The following ZNF644 variants were observed in gnomAD, a reference collection of about 807,000 sequenced individuals.
ZNF644 encodes zinc finger protein 644, also known as zinc finger motif enhancer binding protein 2.
In ZNF644, 20 loss-of-function variants were observed where a neutral mutation model predicts 108.0. That is an observed-to-expected ratio of 0.19 (90% CI 0.13 to 0.27). The LOEUF is 0.27. ZNF644 is among the 10% of genes least tolerant of loss of function. ZNF644 has a pLI of 1.00. For missense variants in ZNF644, 1,338 were observed against 1,548.9 expected, an observed-to-expected ratio of 0.86 and a Z score of 2.29; for synonymous variants, 542 against 539.1, an observed-to-expected ratio of 1.01 and a Z score of -0.08.
At chr1:91,005,387 C>T (rs1659317865) in intron 1 of ZNF644, among the ~76,000 whole-genome samples, 1 of 152,000 alleles carries the variant, frequency 6.6e-6, no homozygotes, top group African/African-American at 2.4e-5. Context: ...TAGTTAGAAA[C>T]CTTAATACTT....
rs1296802249 is a variant in ZNF644 at position 90,937,819 on chromosome 1, T to C, written c.3354A>G (p.Ile1118Met). The C allele has an allele frequency of 1.2e-6, 2 of 1,613,934 alleles. No homozygotes were observed. The highest frequency in any genetic ancestry group is 2.2e-5 in the East Asian group (1 of 44,864). ...CTTCAAGAGGTATAACATTTTGAGA[T>C]ATAAAGTCATCACTTGATGCAAGTT... is the stretch of plus-strand genomic sequence containing the variant. ...AQKLASSDDF[I>M]SQNVIPLEAY... The change falls in exon 4 of 6, where the codon ATA (isoleucine) becomes ATG (methionine). Residue 1118 changes from isoleucine (I) to methionine (M), a missense_variant. Ile to Met is a conservative substitution (Grantham distance 10). Transcript: ENST00000337393.
rs1648671660 is a variant in ZNF644 at position 90,915,480 on chromosome 1, A to G, written c.*1318T>C. On this transcript the variant is annotated 3_prime_UTR_variant, in exon 6 of 6. Transcript: ENST00000337393. ...ATCAATGCATATCCTTGGTTCAACTATAGTATTAGCCATACTACATGAAAT... is the reference window on the plus strand; with the variant it reads ...ATCAATGCATATCCTTGGTTCAACTGTAGTATTAGCCATACTACATGAAAT... 6.6e-6 allele frequency: 1 copy of G among 152,612 alleles called. No homozygotes were observed. Among genetic ancestry groups the G allele is most frequent in the Non-Finnish European group, 1.5e-5 (1 of 68,010 alleles). 9.5% of individuals were successfully genotyped at this position (152,612 alleles called of 1,614,324 possible).
chr1:90,984,491 G>A (rs769901758), intron 1 of ZNF644, among the ~76,000 whole-genome samples: 5 of 151,694 alleles, frequency 3.3e-5, no homozygotes, highest in East Asian at 1.9e-4. Flanking sequence ...AGGTTCAAGC[G>A]ATTCTCGTGC....
chr1:90,991,559 C>A (rs571004245), intron 1 of ZNF644, among the ~76,000 whole-genome samples: 2 of 152,140 alleles, frequency 1.3e-5, no homozygotes, highest in East Asian at 3.9e-4. Context: ...CTCACAGTTC[C>A]GCAGGCTGTA....
chr1:90,956,192 A>G (rs959816978), intron 2 of ZNF644, among the ~76,000 whole-genome samples: 1 of 152,224 alleles, frequency 6.6e-6, no homozygotes, highest in Non-Finnish European at 1.5e-5. Flanking sequence ...AACAATTACA[A>G]TAGAAACACT....
chr1:90,996,498 T>A (rs1417247791), intron 1 of ZNF644, among the ~76,000 whole-genome samples: 2 of 152,146 alleles, frequency 1.3e-5, no homozygotes, highest in Non-Finnish European at 2.9e-5. Flanking sequence ...ATTAGCAGCC[T>A]GGGGGATCAG....
At chr1:90,950,395 G>A (rs1306860550) in intron 2 of ZNF644, among the ~76,000 whole-genome samples, 2 of 150,220 alleles carry the variant, frequency 1.3e-5, no homozygotes, top group Non-Finnish European at 3.0e-5. Context: ...GTTATTGTTA[G>A]TAGTTTTTTT....
At chr1:90,954,380 T>C (rs1235012914) in intron 2 of ZNF644, among the ~76,000 whole-genome samples, 2 of 152,098 alleles carry the variant, frequency 1.3e-5, no homozygotes, top group African/African-American at 2.4e-5. Context: ...ATCGTGAGAT[T>C]GCAGCAATTC....
chr1:90,952,735 A>G (rs1430426331), intron 2 of ZNF644, among the ~76,000 whole-genome samples: 2 of 152,230 alleles, frequency 1.3e-5, no homozygotes, highest in Non-Finnish European at 2.9e-5. Flanking sequence ...AAGATCACAC[A>G]TACATTCCAA....
intron 1 of ZNF644, among the ~76,000 whole-genome samples, chr1:91,002,260 G>A (rs535421020): frequency 2.2e-4 from 34 of 152,142 alleles, no homozygotes; most frequent in South Asian, 4.2e-4. Flanking sequence ...GAGGCATCAC[G>A]CTACCTGACT....
Position 90,938,951 on chromosome 1 carries a change from T to C in ZNF644, c.2403A>G (p.Lys801=). 6.2e-7 allele frequency: 1 copy of C among 1,614,068 alleles called. No individual in the cohort carries two copies. Residue 801 remains lysine (K), a synonymous_variant, in exon 3 of 6, where the codon AAA becomes AAG. Coordinates refer to ENST00000337393, the MANE Select transcript of ZNF644 (RefSeq NM_201269.3). This position sits in a 1 kb window ranked among gnomAD's most constrained non-coding sequence, Gnocchi z 4.2. ...KPDAKRPESF[K]DHRRVAVKRV... is the part of the protein sequence containing the mutation. ...TCTTTACAGCTACACGTCTGTGATC[T>C]TTGAAGCTTTCAGGCCTTTTGGCGT... is the stretch of plus-strand genomic sequence containing the variant.
intron 2 of ZNF644, among the ~76,000 whole-genome samples, chr1:90,982,088 C>A (rs1050461969): frequency 3.3e-5 from 5 of 151,970 alleles, no homozygotes; most frequent in Admixed American, 3.3e-4. Flanking sequence ...AACCTCAACA[C>A]AAAAGAAGGA....
intron 2 of ZNF644, among the ~76,000 whole-genome samples, chr1:90,944,989 T>C (rs1652367151): frequency 6.6e-6 from 1 of 152,160 alleles, no homozygotes; most frequent in East Asian, 1.9e-4. Flanking sequence ...ATGTGGCATC[T>C]AGGCAAGAAA....
chr1:90,957,861 T>G (rs1653907860), intron 2 of ZNF644, among the ~76,000 whole-genome samples: 1 of 152,192 alleles, frequency 6.6e-6, no homozygotes, highest in Admixed American at 6.5e-5. Context: ...CATAATTCTA[T>G]TCATAGAAAA....
In ZNF644 at chr1:90,985,750, C is replaced by T. The variant is rs372369683; in HGVS notation, c.-17-3380G>A. Among the ~76,000 whole-genome samples, 5 of 152,266 alleles carry T rather than the reference C, an allele frequency of 3.3e-5. No individual in the cohort carries two copies. In the East Asian group the frequency reaches 9.6e-4, roughly 29 times the overall value. ...CCTATTTTAGCTATTGTGAATAATG[C>T]TGTAGTGAACATGGACATGCAGATA... On this transcript the variant is annotated intron_variant, in intron 1 of 5. Transcript: ENST00000337393.
chr1:90,993,846 C>T (rs1488479581), intron 1 of ZNF644, among the ~76,000 whole-genome samples: 3 of 152,182 alleles, frequency 2.0e-5, no homozygotes, highest in Non-Finnish European at 4.4e-5. Flanking sequence ...GGAAATTTTT[C>T]AGGACACTCC....
intron 1 of ZNF644, among the ~76,000 whole-genome samples, chr1:91,016,811 C>T (rs1013363100): frequency 2.0e-5 from 3 of 152,108 alleles, no homozygotes; most frequent in African/African-American, 7.2e-5. Flanking sequence ...TCAAAATATA[C>T]TTACGTTTCT....
chr1:91,010,949 G>A (rs1659911069), intron 1 of ZNF644, among the ~76,000 whole-genome samples: 1 of 152,170 alleles, frequency 6.6e-6, no homozygotes. Flanking sequence ...AAAACAACAT[G>A]TAAACATAGA....
intron 4 of ZNF644, among the ~76,000 whole-genome samples, chr1:90,928,230 G>A (rs1299800580): frequency 6.6e-6 from 1 of 151,066 alleles, no homozygotes; most frequent in African/African-American, 2.4e-5. Context: ...TTGGCTCACT[G>A]CAACCTGCAC....
Sources: gnomAD v4.1 joint callset for allele counts (sites outside exome capture counted in the v4.1 genomes callset) on GRCh38, gnomAD v4.1.1 for gene constraint, Gnocchi (gnomAD v3.1) non-coding constraint, MANE v1.5 for transcripts, NCBI Gene and HGNC (gene_info 2026-07-23, HGNC 2026-07-21) for gene names.